The following PXDN variants were observed in gnomAD, a reference collection of about 807,000 sequenced individuals.
PXDN encodes peroxidasin.
PXDN carries 77 observed loss-of-function variants against 140.3 expected under a neutral mutation model. The observed-to-expected ratio is 0.55, with a 90% CI of 0.46 to 0.66. The LOEUF (loss-of-function observed/expected upper bound fraction) is 0.66, where lower values mean the gene tolerates loss of function less well. Among genes scored for constraint, PXDN ranks in the 30% least tolerant of loss-of-function variants. The probability of loss-of-function intolerance (pLI) is 0.00; values close to 1 mark genes in which losing one functional copy is unlikely to be tolerated. For synonymous variants in PXDN, 911 were observed against 857.4 expected, an observed-to-expected ratio of 1.06 and a Z score of -1.09; for missense variants, 1,838 against 2,039.5, an observed-to-expected ratio of 0.90 and a Z score of 1.90.
rs575086797 is a variant in PXDN at position 1,680,384 on chromosome 2, C to T, written c.561-22G>A. 1.7e-5 allele frequency: 28 copies of T among 1,613,492 alleles called. No individual in the cohort carries two copies. In the East Asian group the frequency reaches 3.8e-4, roughly 22 times the overall value. On this transcript the variant is annotated intron_variant, in intron 6 of 22. Coordinates refer to ENST00000252804, the MANE Select transcript of PXDN (RefSeq NM_012293.3). ...TCGCCTGTGGGAAGGAAGATGCAGC[C>T]GGTGAGACATGGGGTGGCTGGGCTT...
chr2:1,656,113 A>AC (rs968200430), intron 14 of PXDN, among the ~76,000 whole-genome samples: 1 of 151,638 alleles, frequency 6.6e-6, no homozygotes, highest in Non-Finnish European at 1.5e-5. Flanking sequence ...ACAAACACAC[A>AC]CCCCAAACAC....
At chr2:1,643,677 A>T in intron 18 of PXDN, 101 bp from the exon 19 acceptor site, 1 of 1,219,086 alleles carries the variant, frequency 8.2e-7, no homozygotes, top group Non-Finnish European at 1.2e-6. Flanking sequence ...ACAGCAATAC[A>T]GAAACCACTA....
chr2:1,649,444 C>A lies in PXDN; in HGVS notation c.2336G>T (p.Arg779Leu). The stretch of plus-strand genomic sequence containing the variant: ...GTACAGTCGGTGGGGGTTGATGCCC[C>A]GAGGGGTGTTGAAGCCATTCTCGTA... ...SVYENGFNTP[R>L]GINPHRLYNG... Residue 779 changes from arginine to leucine, a missense_variant, in exon 17 of 23, where the codon CGG (arginine) becomes CTG (leucine). Around this residue, in one of 5 missense-constraint regions of PXDN, gnomAD observed 537 missense variants for 583.9 expected, o/e 0.92. Transcript: ENST00000252804. This position sits in a 1 kb window ranked among gnomAD's most constrained non-coding sequence, Gnocchi z 7.1. The A allele has an allele frequency of 2.5e-6, 4 of 1,613,908 alleles. No homozygotes were observed. Among genetic ancestry groups the A allele is most frequent in the Non-Finnish European group, 3.4e-6 (4 of 1,179,876 alleles).
chr2:1,639,484 C>A lies in PXDN; in HGVS notation c.3953-62G>T, dbSNP rs962735725. 1 of 1,605,772 alleles carries A rather than the reference C, an allele frequency of 6.2e-7. No homozygotes were observed. Among genetic ancestry groups the A allele is most frequent in the Admixed American group, 1.7e-5 (1 of 59,684 alleles). ...AGGCTCTGACCTCGGGGAAATTAAG[C>A]ACATCCTGCCAACTATGAAGTCTTC... On this transcript the variant is annotated intron_variant, in intron 19 of 22. Coordinates refer to ENST00000252804, the MANE Select transcript of PXDN (RefSeq NM_012293.3). This position sits in a 1 kb window ranked among gnomAD's most constrained non-coding sequence, Gnocchi z 5.0.
intron 5 of PXDN, 28 bp from the exon 6 acceptor site, chr2:1,683,755 A>G (rs747478992): frequency 6.6e-7 from 1 of 1,513,420 alleles, no homozygotes; most frequent in Non-Finnish European, 9.0e-7. Flanking sequence ...ATAACAAACC[A>G]ATTTTGAAAA....
In PXDN at chr2:1,673,662, G is replaced by C; in HGVS notation, c.999C>G (p.Leu333=). ...AGEVKTQEVT[L]RYFGSPARPT... is the part of the protein sequence containing the mutation. ...ACATACCTGGAGACCCGAAGTACCT[G>C]AGGGTCACCTCTTGCGTCTTCACCT... is the stretch of plus-strand genomic sequence containing the variant. Residue 333 remains leucine, a synonymous_variant, in exon 9 of 23, where the codon CTC becomes CTG. Transcript: ENST00000252804. 1.2e-6 allele frequency: 2 copies of C among 1,613,208 alleles called. No individual in the cohort carries two copies. Among genetic ancestry groups the C allele is most frequent in the Non-Finnish European group, 1.7e-6 (2 of 1,179,376 alleles).
intron 21 of PXDN, among the ~76,000 whole-genome samples, chr2:1,638,199 C>T (rs577667196): frequency 3.9e-5 from 6 of 152,274 alleles, no homozygotes; most frequent in South Asian, 2.1e-4. Context: ...TCCACACCAG[C>T]GGAGTGAGCG....
Position 1,687,503 on chromosome 2 carries a change from G to T in PXDN, c.416+129C>A. 1 of 599,436 alleles carries T rather than the reference G, an allele frequency of 1.7e-6. No individual in the cohort carries two copies. Among genetic ancestry groups the T allele is most frequent in the Non-Finnish European group, 2.6e-6 (1 of 381,034 alleles). The allele number at this position is 599,436 out of a possible 1,614,324, so 37.1% of individuals were successfully genotyped here. A position where few individuals can be genotyped will look rare whatever the true frequency, so the allele number is the denominator to read the frequency against. ...TCCCTGTTTTTCCGTCATCATGCAC[G>T]TACTCCCCGCACCTCAGGTAGCATA... On this transcript the variant is annotated intron_variant, in intron 4 of 22. Coordinates refer to ENST00000252804, the MANE Select transcript of PXDN (RefSeq NM_012293.3). The surrounding 1 kb of genome is among the most constrained non-coding windows in gnomAD (Gnocchi z 4.0).
chr2:1,656,484 T>C (rs903525988), intron 14 of PXDN, among the ~76,000 whole-genome samples: 1 of 152,220 alleles, frequency 6.6e-6, no homozygotes, highest in African/African-American at 2.4e-5. Context: ...CACAGCCCTC[T>C]ATGGGGACCT....
intron 1 of PXDN, among the ~76,000 whole-genome samples, chr2:1,695,029 A>G (rs1684269507): frequency 6.6e-6 from 1 of 152,222 alleles, no homozygotes; most frequent in African/African-American, 2.4e-5. Context: ...TGATCCAGAA[A>G]CCAAGCTGCT....
chr2:1,657,532 G>T (rs976471210), intron 14 of PXDN, among the ~76,000 whole-genome samples: 1 of 150,630 alleles, frequency 6.6e-6, no homozygotes, highest in Admixed American at 6.6e-5. Context: ...TCCTGACTGG[G>T]ACCTGCCCTC....
Position 1,712,082 on chromosome 2 carries a change from A to AG in PXDN, c.201-18949_201-18948insC, listed in dbSNP as rs1183763759. Reference sequence around the variant, plus strand: ...ATTGATCAAGATCAACGAGGGTAAAAAAAAGCCATTTTTTCTCTCCAATTA... The same window carrying AG: ...ATTGATCAAGATCAACGAGGGTAAAAGAAAAGCCATTTTTTCTCTCCAATTA... On this transcript the variant is annotated intron_variant, in intron 1 of 22. Transcript: ENST00000252804. 2.0e-5 allele frequency among the ~76,000 whole-genome samples: 3 copies of AG among 152,178 alleles called. No homozygotes were observed. The South Asian group carries it at 6.2e-4, about 32-fold the overall frequency.
chr2:1,650,569 C>T (rs1682993044), intron 16 of PXDN, among the ~76,000 whole-genome samples: 1 of 152,174 alleles, frequency 6.6e-6, no homozygotes, highest in African/African-American at 2.4e-5. Flanking sequence ...TGGGGTCAGA[C>T]ACACTCAGAT....
intron 9 of PXDN, chr2:1,669,905 C>T (rs928705200): frequency 6.6e-6 from 1 of 152,264 alleles, no homozygotes; most frequent in Admixed American, 6.5e-5. Flanking sequence ...GGTCAACCAT[C>T]CTTATCTGCC....
chr2:1,652,934 G>C (rs1572128390), intron 16 of PXDN: 1 of 39,242 alleles, frequency 2.5e-5, no homozygotes, highest in Admixed American at 2.3e-4. Flanking sequence ...CGTGCTCTGT[G>C]TGTGTGTGTG....
At chr2:1,657,360 A>C (rs1352413900) in intron 14 of PXDN, among the ~76,000 whole-genome samples, 1 of 148,176 alleles carries the variant, frequency 6.7e-6, no homozygotes, top group African/African-American at 2.5e-5. Flanking sequence ...CCCCAACCTG[A>C]CTGAAACCTG....
At chr2:1,704,673 A>G (rs369500224) in intron 1 of PXDN, among the ~76,000 whole-genome samples, 3 of 145,414 alleles carry the variant, frequency 2.1e-5, no homozygotes, top group East Asian at 2.5e-4. Context: ...AGGGGGGGCA[A>G]CTCCAAGAGG....
chr2:1,674,658 G>A (rs1194760376), intron 8 of PXDN, among the ~76,000 whole-genome samples: 1 of 152,182 alleles, frequency 6.6e-6, no homozygotes, highest in African/African-American at 2.4e-5. Flanking sequence ...TGCAGAAGCA[G>A]GTGAAGAGGA....
At chr2:1,704,369 G>A (rs1207473503) in intron 1 of PXDN, among the ~76,000 whole-genome samples, 1 of 74,326 alleles carries the variant, frequency 1.3e-5, no homozygotes, top group East Asian at 5.6e-4. Context: ...CCAGGTGAAG[G>A]GGGGGCAACT....
Sources: allele counts gnomAD v4.1 joint callset (sites outside exome capture counted in the v4.1 genomes callset), GRCh38; gene constraint gnomAD v4.1.1; regional missense constraint gnomAD v4.1.1; non-coding constraint Gnocchi (gnomAD v3.1); transcripts MANE v1.5; gene names NCBI Gene and HGNC (gene_info 2026-07-23, HGNC 2026-07-21).